NCOA3: variants seen among roughly 807,000 people sequenced by gnomAD.
NCOA3 encodes the protein nuclear receptor coactivator 3.
NCOA3 carries 51 observed loss-of-function variants against 158.8 expected under a neutral mutation model. The observed-to-expected ratio is 0.32, with a 90% CI of 0.26 to 0.41. NCOA3 has a LOEUF of 0.41. Among genes scored for constraint, NCOA3 ranks in the 10% least tolerant of loss-of-function variants. The probability of loss-of-function intolerance (pLI) is 1.00; values close to 1 mark genes in which losing one functional copy is unlikely to be tolerated. For synonymous variants in NCOA3, 537 were observed against 592.4 expected, an observed-to-expected ratio of 0.91 and a Z score of 1.36; for missense variants, 1,510 against 1,746.6, an observed-to-expected ratio of 0.86 and a Z score of 2.41.
chr20:47,514,554 A>AT (rs986993833), intron 1 of NCOA3, among the ~76,000 whole-genome samples: 7 of 148,038 alleles, frequency 4.7e-5, no homozygotes, highest in East Asian at 2.0e-4. Context: ...TTCCCACCTA[A>AT]TTTTTTTTTT....
At position 47,651,209 on chromosome 20, in the gene NCOA3, T is replaced by C. The variant is rs1248273422; in HGVS notation, c.3879T>C (p.Asp1293=). The C allele has an allele frequency of 6.2e-7, 1 of 1,613,936 alleles. No homozygotes were observed. The highest frequency in any genetic ancestry group is 2.2e-5 in the East Asian group (1 of 44,892). Residue 1293 remains aspartate, a synonymous_variant, in exon 20 of 23, where the codon GAT becomes GAC. Coordinates refer to ENST00000371998, the MANE Select transcript of NCOA3 (RefSeq NM_181659.3). ...PPNVTASPSM[D]GLLAGPTMPQ... Reference sequence around the variant, plus strand: ...ATGTGACTGCTTCCCCCAGCATGGATGGGCTTTTGGCAGGACCCACAATGC... The same window carrying C: ...ATGTGACTGCTTCCCCCAGCATGGACGGGCTTTTGGCAGGACCCACAATGC...
chr20:47,573,043 A>G (rs186650299), intron 1 of NCOA3, among the ~76,000 whole-genome samples: 20 of 152,330 alleles, frequency 1.3e-4, no homozygotes, highest in Admixed American at 6.5e-4. Flanking sequence ...GATTAAGTTT[A>G]CCATCTTATA....
At chr20:47,584,537 T>C (rs2085503977) in intron 2 of NCOA3, among the ~76,000 whole-genome samples, 1 of 151,756 alleles carries the variant, frequency 6.6e-6, no homozygotes, top group Admixed American at 6.6e-5. Flanking sequence ...GGAAAATCAC[T>C]TGAACCTTGG....
chr20:47,590,061 C>T (rs372868768), intron 2 of NCOA3, among the ~76,000 whole-genome samples: 1 of 152,022 alleles, frequency 6.6e-6, no homozygotes, highest in Non-Finnish European at 1.5e-5. Flanking sequence ...TTGGTTTCCC[C>T]AAGTGTTGGT....
intron 2 of NCOA3, among the ~76,000 whole-genome samples, chr20:47,594,644 G>T (rs182132190): frequency 8.7e-6 from 1 of 115,010 alleles, no homozygotes; most frequent in Non-Finnish European, 1.7e-5. Flanking sequence ...CAGGCTGGGC[G>T]ACAGAGCGAG....
chr20:47,647,695 C>T (rs1003552305), intron 18 of NCOA3, among the ~76,000 whole-genome samples: 1 of 151,826 alleles, frequency 6.6e-6, no homozygotes, highest in Non-Finnish European at 1.5e-5. Context: ...AATACTTAAA[C>T]CTTCTTGATT....
At position 47,598,113 on chromosome 20, in the gene NCOA3, G is replaced by A. The variant is rs1056905909; in HGVS notation, c.-20+14852G>A. On this transcript the variant is annotated intron_variant, in intron 2 of 22. Transcript: ENST00000371998. Reference sequence around the variant, plus strand: ...TACAAAAAAATTAGCCAGGCGTGGTGGCGGGCGCCTGTAGTCCCAGCTACT... The same window carrying A: ...TACAAAAAAATTAGCCAGGCGTGGTAGCGGGCGCCTGTAGTCCCAGCTACT... Among the ~76,000 whole-genome samples the A allele has an allele frequency of 4.6e-5, 7 of 150,952 alleles. 1 individual carries two copies.
intron 1 of NCOA3, among the ~76,000 whole-genome samples, chr20:47,539,799 A>G (rs948724241): frequency 3.3e-5 from 5 of 152,218 alleles, no homozygotes; most frequent in African/African-American, 1.2e-4. Flanking sequence ...TGTTGGGATT[A>G]CAGGTGTGAG....
At chr20:47,594,831 G>A (rs1305068853) in intron 2 of NCOA3, among the ~76,000 whole-genome samples, 2 of 117,902 alleles carry the variant, frequency 1.7e-5, no homozygotes, top group African/African-American at 6.6e-5. Context: ...TGCTGTTGCC[G>A]CCCAGTCTGG....
chr20:47,604,187 A>G (rs1210722028), intron 2 of NCOA3, among the ~76,000 whole-genome samples: 1 of 152,234 alleles, frequency 6.6e-6, no homozygotes, highest in East Asian at 1.9e-4. Flanking sequence ...TTTGCCAGAC[A>G]TCACTGAGGT....
At chr20:47,509,746 A>G (rs1018578382) in intron 1 of NCOA3, among the ~76,000 whole-genome samples, 1 of 152,192 alleles carries the variant, frequency 6.6e-6, no homozygotes, top group Non-Finnish European at 1.5e-5. Flanking sequence ...CCCCATCTCT[A>G]TTAAAAAAAT....
At chr20:47,603,567 G>A (rs894393298) in intron 2 of NCOA3, among the ~76,000 whole-genome samples, 2 of 152,200 alleles carry the variant, frequency 1.3e-5, no homozygotes, top group Non-Finnish European at 2.9e-5. Flanking sequence ...GTCCAGCATC[G>A]AGGAAGAATC....
intron 2 of NCOA3, among the ~76,000 whole-genome samples, chr20:47,614,753 A>G (rs1454303267): frequency 3.9e-5 from 6 of 152,182 alleles, no homozygotes; most frequent in African/African-American, 1.4e-4. Flanking sequence ...GTTATGGGTA[A>G]TATTAGACCA....
rs1392177616 is a variant in NCOA3 at position 47,576,578 on chromosome 20, A to T, written c.-98-6605A>T. On this transcript the variant is annotated intron_variant, in intron 1 of 22. Transcript: ENST00000371998. ...GTCTTGAATAAAATTGTCACCTTGA[A>T]CTTATTGTGTTCTTTGCCTTCTCCA... Among the ~76,000 whole-genome samples, 3 of 152,162 alleles carry T rather than the reference A, an allele frequency of 2.0e-5. No individual in the cohort carries two copies. In the East Asian group the frequency reaches 5.8e-4, roughly 29 times the overall value.
intron 1 of NCOA3, among the ~76,000 whole-genome samples, chr20:47,574,488 A>ATT (rs10626049): frequency 0.12 from 17,603 of 144,024 alleles, 1,370 homozygotes; most frequent in African/African-American, 0.21. Flanking sequence ...GTATATTTTG[A>ATT]TTTTTTTTTT....
intron 13 of NCOA3, 152 bp from the exon 14 acceptor site, chr20:47,638,856 G>A (rs1488100846): frequency 4.8e-6 from 3 of 622,320 alleles, no homozygotes; most frequent in Non-Finnish European, 7.5e-6. Flanking sequence ...GGTGGGTGAG[G>A]GCCACTTCCC....
intron 16 of NCOA3, among the ~76,000 whole-genome samples, chr20:47,641,914 T>G (rs1156469919): frequency 3.3e-5 from 5 of 151,918 alleles, no homozygotes; most frequent in Admixed American, 1.3e-4. Context: ...TTCCCTACCC[T>G]CCCCCTGGCC....
chr20:47,648,722 C>T (rs13037748), intron 18 of NCOA3, among the ~76,000 whole-genome samples: 29,847 of 151,964 alleles, frequency 0.2, 3,665 homozygotes, highest in Middle Eastern at 0.31. Flanking sequence ...ACCTCAGCCT[C>T]TCAAAGTGCT....
At chr20:47,511,390 C>A (rs1198374538) in intron 1 of NCOA3, among the ~76,000 whole-genome samples, 3 of 140,734 alleles carry the variant, frequency 2.1e-5, no homozygotes, top group Non-Finnish European at 4.6e-5. Flanking sequence ...TGGGACTACA[C>A]GTGTCCACCA....
Sources: allele counts gnomAD v4.1 joint callset (sites outside exome capture counted in the v4.1 genomes callset), GRCh38; gene constraint gnomAD v4.1.1; transcripts MANE v1.5; gene names NCBI Gene and HGNC (gene_info 2026-07-23, HGNC 2026-07-21).